Variants in SPTBN1 observed in about 807,000 individuals in gnomAD.
SPTBN1 encodes the protein spectrin beta, non-erythrocytic 1.
A neutral mutation model predicts 266.4 loss-of-function variants in SPTBN1; 32 were observed. That is an observed-to-expected ratio of 0.12 (90% confidence interval 0.09 to 0.16). The LOEUF is 0.16. Ranked by LOEUF, SPTBN1 falls within the 10% of genes least tolerant of loss-of-function variation. The pLI is 1.00. For synonymous variants in SPTBN1, 1,336 were observed against 1,162.2 expected (o/e 1.15, Z -3.04); for missense variants, 2,296 against 3,067.1 (o/e 0.75, Z 5.94).
chr2:54,466,134 T>C (rs1265961891), intron 1 of SPTBN1, among the ~76,000 whole-genome samples: 4 of 152,186 alleles, frequency 2.6e-5, no homozygotes, highest in African/African-American at 9.7e-5. Context: ...CATTTTAATA[T>C]CTCTGCTCTA....
In SPTBN1 at chr2:54,558,675, A is replaced by G; in HGVS notation, c.148+32109A>G. 1 of 1,528,582 alleles carries G rather than the reference A, an allele frequency of 6.5e-7. No individual in the cohort carries two copies. Among genetic ancestry groups the G allele is most frequent in the South Asian group, 1.3e-5 (1 of 78,470 alleles). The allele number at this position is 1,528,582 out of a possible 1,614,324, so 94.7% of individuals were successfully genotyped here. A position where few individuals can be genotyped will look rare whatever the true frequency, so the allele number is the denominator to read the frequency against. On this transcript the variant is annotated intron_variant, in intron 2 of 35. Coordinates refer to ENST00000356805, the MANE Select transcript of SPTBN1 (RefSeq NM_003128.3). The surrounding 1 kb of genome is among the most constrained non-coding windows in gnomAD (Gnocchi z 4.6). Reference sequence around the variant, plus strand: ...TTGCAGACCGGAATGGGGCTCGCCTAAGGAGCCGAGCGCTGCGGAGGCTGC... The same window carrying G: ...TTGCAGACCGGAATGGGGCTCGCCTGAGGAGCCGAGCGCTGCGGAGGCTGC...
At chr2:54,557,583 G>A (rs574733276) in intron 2 of SPTBN1, among the ~76,000 whole-genome samples, 1 of 152,134 alleles carries the variant, frequency 6.6e-6, no homozygotes, top group African/African-American at 2.4e-5. Context: ...ACAAATCAGA[G>A]TAGGAATTTG....
intron 28 of SPTBN1, 27 bp downstream of exon 28, chr2:54,655,235 G>C: frequency 6.2e-7 from 1 of 1,606,650 alleles, no homozygotes; most frequent in Non-Finnish European, 8.5e-7. Flanking sequence ...CTTTGGAGCT[G>C]CAGCTGGCGT....
At chr2:54,608,344 T>A (rs1474586629) in intron 3 of SPTBN1, among the ~76,000 whole-genome samples, 1 of 151,966 alleles carries the variant, frequency 6.6e-6, no homozygotes, top group Non-Finnish European at 1.5e-5. Flanking sequence ...TGTAGAGTTG[T>A]GAGGAAAAGA....
intron 29 of SPTBN1, among the ~76,000 whole-genome samples, chr2:54,657,318 C>T (rs1680737554): frequency 6.6e-6 from 1 of 152,204 alleles, no homozygotes; most frequent in Admixed American, 6.5e-5. Context: ...AATGCCTGCC[C>T]ATCTGGCTAC....
intron 26 of SPTBN1, among the ~76,000 whole-genome samples, chr2:54,652,011 G>A (rs1263098727): frequency 6.6e-6 from 1 of 151,080 alleles, no homozygotes; most frequent in African/African-American, 2.4e-5. Context: ...GTACCCCCCC[G>A]CCTTTTACCC....
At chr2:54,482,035 GGCAT>G (rs1668127718) in intron 1 of SPTBN1, among the ~76,000 whole-genome samples, 1 of 152,108 alleles carries the variant, frequency 6.6e-6, no homozygotes, top group African/African-American at 2.4e-5. Flanking sequence ...CCTGAGGTGT[GGCAT>G]AGTACCACAG....
intron 18 of SPTBN1, among the ~76,000 whole-genome samples, chr2:54,642,433 A>T (rs1004263644): frequency 6.6e-6 from 1 of 152,098 alleles, no homozygotes; most frequent in Admixed American, 6.5e-5. Context: ...TTGAAAGGGC[A>T]TGATTGTTGC....
Position 54,646,574 on chromosome 2 carries a change from T to G in SPTBN1, c.4866+99T>G, listed in dbSNP as rs1679940676. On this transcript the variant is annotated intron_variant, in intron 23 of 35. Coordinates refer to ENST00000356805, the MANE Select transcript of SPTBN1 (RefSeq NM_003128.3). The surrounding 1 kb of genome is among the most constrained non-coding windows in gnomAD (Gnocchi z 4.4). ...GGCTCTGTCTGTATAAAAACTTCCC[T>G]TGTAGCCTTTGAGTGTTAAGGGGAC... 1 of 1,357,470 alleles carries G rather than the reference T, an allele frequency of 7.4e-7. No homozygotes were observed. 84.1% of individuals were successfully genotyped at this position (1,357,470 alleles called of 1,614,324 possible).
At chr2:54,575,305 C>T (rs1174333371) in intron 2 of SPTBN1, among the ~76,000 whole-genome samples, 1 of 152,194 alleles carries the variant, frequency 6.6e-6, no homozygotes, top group Non-Finnish European at 1.5e-5. Context: ...ATATCAATTT[C>T]TTTTTATTTT....
chr2:54,580,560 G>A (rs1674822854), intron 2 of SPTBN1, among the ~76,000 whole-genome samples: 1 of 151,034 alleles, frequency 6.6e-6, no homozygotes, highest in African/African-American at 2.4e-5. Context: ...GTTGGAGGAT[G>A]GATTATAATC....
chr2:54,633,433 G>C (rs199986698), intron 17 of SPTBN1, among the ~76,000 whole-genome samples: 8 of 151,684 alleles, frequency 5.3e-5, no homozygotes, highest in East Asian at 3.9e-4. Context: ...GTGCGTGTGT[G>C]TGTCTGTCTG....
chr2:54,668,262 G>T, intron 35 of SPTBN1, 89 bp from the exon 36 acceptor site: 1 of 1,273,280 alleles, frequency 7.9e-7, no homozygotes, highest in Non-Finnish European at 1.1e-6. Flanking sequence ...CCCCTCAGTT[G>T]GCCAGATGCG....
At chr2:54,523,256 T>C (rs1670596178) in intron 1 of SPTBN1, among the ~76,000 whole-genome samples, 1 of 152,248 alleles carries the variant, frequency 6.6e-6, no homozygotes, top group African/African-American at 2.4e-5. Flanking sequence ...ATAAATAAAT[T>C]GCTAACGTAG....
chr2:54,637,861 G>A, intron 18 of SPTBN1, 58 bp downstream of exon 18: 2 of 1,383,774 alleles, frequency 1.4e-6, no homozygotes, highest in Non-Finnish European at 1.0e-6. Context: ...TTGCCAGCCA[G>A]CATTTAGCAC....
chr2:54,562,696 TTG>T (rs55947327), intron 2 of SPTBN1, among the ~76,000 whole-genome samples: 4,787 of 122,524 alleles, frequency 0.039, 85 homozygotes, highest in South Asian at 0.05. Context: ...AAACCCTGCT[TTG>T]TGTGTGTGTG....
chr2:54,480,838 C>T (rs1668057129), intron 1 of SPTBN1, among the ~76,000 whole-genome samples: 1 of 152,142 alleles, frequency 6.6e-6, no homozygotes, highest in South Asian at 2.1e-4. Context: ...AGCTCTTCTT[C>T]CTTGCAGGGG....
chr2:54,646,312 C>CCGA lies in SPTBN1; in HGVS notation c.4705_4707dup (p.Asp1569dup). 1 of 1,614,176 alleles carries CCGA rather than the reference C, an allele frequency of 6.2e-7. No homozygotes were observed. The highest frequency in any genetic ancestry group is 8.5e-7 in the Non-Finnish European group (1 of 1,180,026). ...GCTGAGGCCATCAGACAGAGGCTTG[C>CCGA]CGACCTGAAGCAGCTGTGGGGTCTC... On this transcript the variant is annotated inframe_insertion, in exon 23 of 36. Coordinates refer to ENST00000356805, the MANE Select transcript of SPTBN1 (RefSeq NM_003128.3). This position sits in a 1 kb window ranked among gnomAD's most constrained non-coding sequence, Gnocchi z 4.4.
At chr2:54,650,619 A>G (rs915155640) in intron 26 of SPTBN1, among the ~76,000 whole-genome samples, 16 of 152,188 alleles carry the variant, frequency 1.1e-4, no homozygotes, top group African/African-American at 3.9e-4. Context: ...TTTATTAAAG[A>G]TGTTATCCCT....
Sources: allele counts gnomAD v4.1 joint callset (sites outside exome capture counted in the v4.1 genomes callset), GRCh38; gene constraint gnomAD v4.1.1; non-coding constraint Gnocchi (gnomAD v3.1); transcripts MANE v1.5; gene names NCBI Gene and HGNC (gene_info 2026-07-23, HGNC 2026-07-21).